Variants in SELENOF observed in about 807,000 individuals in gnomAD.
SELENOF encodes the protein selenoprotein F.
Under a neutral mutation model 20.5 loss-of-function variants are expected in SELENOF, and 16 were observed. The ratio of observed to expected loss-of-function variants is 0.78; its 90% CI spans 0.53 to 1.19. The LOEUF is 1.19. SELENOF is among the 50% of genes most tolerant of loss of function. SELENOF has a pLI of 0.00. For synonymous variants in SELENOF, 78 were observed against 74.5 expected (o/e 1.05, Z -0.24); for missense variants, 215 against 194.2 (o/e 1.11, Z -0.64).
intron 1 of SELENOF, among the ~76,000 whole-genome samples, chr1:86,909,684 T>C (rs116284364): frequency 2.6e-5 from 4 of 152,264 alleles, no homozygotes; most frequent in African/African-American, 4.8e-5. Context: ...GTTAAGACCA[T>C]GTGGATTTGT....
chr1:86,909,030 G>C (rs549333981), intron 1 of SELENOF, among the ~76,000 whole-genome samples: 1 of 152,326 alleles, frequency 6.6e-6, no homozygotes, highest in Non-Finnish European at 1.5e-5. Context: ...AAGAAACTCA[G>C]AGGTATCAAT....
chr1:86,888,362 G>C (rs1163157465), intron 2 of SELENOF, among the ~76,000 whole-genome samples: 1 of 151,818 alleles, frequency 6.6e-6, no homozygotes, highest in East Asian at 1.9e-4. Flanking sequence ...AATACTAAAA[G>C]TATTTTAGAA....
chr1:86,883,113 C>T (rs1050614030), intron 2 of SELENOF, among the ~76,000 whole-genome samples: 46 of 140,662 alleles, frequency 3.3e-4, no homozygotes, highest in African/African-American at 9.0e-4. Context: ...GGGACAAGAG[C>T]GAGACTTGTC....
At position 86,914,123 on chromosome 1, in the gene SELENOF, T is replaced by C. The variant is rs766335385; in HGVS notation, c.-12A>G. ...GCCATCGCTACCATTTTCCGCAGGTTTCTGGCTGCCTAGAAGGACCCCTAA... is the reference window on the plus strand; with the variant it reads ...GCCATCGCTACCATTTTCCGCAGGTCTCTGGCTGCCTAGAAGGACCCCTAA... On this transcript the variant is annotated 5_prime_UTR_variant, in exon 1 of 5. Coordinates refer to ENST00000331835, the MANE Select transcript of SELENOF (RefSeq NM_004261.5). 2 of 1,611,588 alleles carry C rather than the reference T, an allele frequency of 1.2e-6. No individual in the cohort carries two copies. Among genetic ancestry groups the C allele is most frequent in the Admixed American group, 3.3e-5 (2 of 59,976 alleles).
At chr1:86,913,039 T>C (rs1000915157) in intron 1 of SELENOF, among the ~76,000 whole-genome samples, 4 of 152,110 alleles carry the variant, frequency 2.6e-5, no homozygotes, top group East Asian at 1.9e-4. Context: ...AACAAGATAA[T>C]TGGAATGTTA....
intron 1 of SELENOF, among the ~76,000 whole-genome samples, chr1:86,913,394 A>G (rs1297733762): frequency 7.5e-6 from 1 of 133,546 alleles, no homozygotes; most frequent in East Asian, 1.9e-4. Context: ...TGAAATAAAA[A>G]ACGCTGCCTT....
At chr1:86,904,645 CTAT>C (rs1345173137) in intron 1 of SELENOF, among the ~76,000 whole-genome samples, 2 of 152,282 alleles carry the variant, frequency 1.3e-5, no homozygotes, top group East Asian at 3.9e-4. Context: ...TGAATTGTTA[CTAT>C]AACTTGGTTT....
intron 1 of SELENOF, among the ~76,000 whole-genome samples, chr1:86,912,643 C>T (rs547940276): frequency 2.6e-5 from 4 of 152,232 alleles, no homozygotes; most frequent in Admixed American, 6.5e-5. Context: ...TTGGTCTAGC[C>T]GACTGGAGGA....
At chr1:86,914,357 A>G (rs180688962), upstream of SELENOF, 1 of 547,040 alleles carries the variant, frequency 1.8e-6, no homozygotes, top group South Asian at 2.2e-5. Flanking sequence ...CCTTTCTTTT[A>G]TTCACGACAC....
chr1:86,895,662 T>C (rs1176554784), intron 2 of SELENOF, among the ~76,000 whole-genome samples: 1 of 152,210 alleles, frequency 6.6e-6, no homozygotes, highest in Non-Finnish European at 1.5e-5. Context: ...TTGTTTTTAA[T>C]CAAAACTGAA....
chr1:86,875,134 G>C (rs1658890409), intron 3 of SELENOF, among the ~76,000 whole-genome samples: 1 of 152,106 alleles, frequency 6.6e-6, no homozygotes, highest in African/African-American at 2.4e-5. Context: ...CCAGCTACTT[G>C]GGAGGCTGAG....
At chr1:86,901,611 T>A (rs1297592470) in intron 2 of SELENOF, among the ~76,000 whole-genome samples, 1 of 152,208 alleles carries the variant, frequency 6.6e-6, no homozygotes, top group African/African-American at 2.4e-5. Context: ...TAGCTGGGCA[T>A]ATATTAATTG....
At position 86,863,350 on chromosome 1, in the gene SELENOF, A is replaced by T; in HGVS notation, c.*124T>A. 1.3e-6 allele frequency: 1 copy of T among 784,562 alleles called. No individual in the cohort carries two copies. The highest frequency in any genetic ancestry group is 2.8e-5 in the East Asian group (1 of 35,336). The allele number at this position is 784,562 out of a possible 1,614,324, so 48.6% of individuals were successfully genotyped here. A position where few individuals can be genotyped will look rare whatever the true frequency, so the allele number is the denominator to read the frequency against. On this transcript the variant is annotated 3_prime_UTR_variant, in exon 5 of 5. Coordinates refer to ENST00000331835, the MANE Select transcript of SELENOF (RefSeq NM_004261.5). ...TATACTGCCATTTCACGATTTAATT[A>T]GATATTTAATGCCTCAAGTAAAAGA...
chr1:86,868,921 A>G (rs1057064695), intron 3 of SELENOF, among the ~76,000 whole-genome samples: 15 of 152,184 alleles, frequency 9.9e-5, no homozygotes, highest in Non-Finnish European at 2.2e-4. Context: ...AATATATAAA[A>G]GGGCTCTTAC....
chr1:86,888,605 T>A (rs1310720539), intron 2 of SELENOF, among the ~76,000 whole-genome samples: 1 of 152,200 alleles, frequency 6.6e-6, no homozygotes, highest in African/African-American at 2.4e-5. Flanking sequence ...TCACTGCTGA[T>A]ATTATCCCTC....
upstream of SELENOF, chr1:86,914,379 GC>G: frequency 2.0e-6 from 1 of 510,836 alleles, no homozygotes; most frequent in Non-Finnish European, 3.6e-6. Flanking sequence ...TCGTCAAGCA[GC>G]CAAGAAGCCA....
chr1:86,876,615 G>A (rs1406261213), intron 3 of SELENOF, among the ~76,000 whole-genome samples: 1 of 152,174 alleles, frequency 6.6e-6, no homozygotes, highest in Non-Finnish European at 1.5e-5. Context: ...TTTATGTAAA[G>A]ATATAGATTG....
intron 2 of SELENOF, among the ~76,000 whole-genome samples, chr1:86,899,132 CAGA>C (rs1294642539): frequency 2.6e-5 from 4 of 151,354 alleles, no homozygotes; most frequent in African/African-American, 9.8e-5. Flanking sequence ...GATCCCAAGG[CAGA>C]AGAATTTTTC....
chr1:86,914,313 G>T (rs101028), upstream of SELENOF: 121,364 of 595,046 alleles, frequency 0.2, 14,166 homozygotes, highest in African/African-American at 0.4. Context: ...TCAGGCACTT[G>T]CCTAAACTCC....
Sources: gnomAD v4.1 joint callset for allele counts (sites outside exome capture counted in the v4.1 genomes callset) on GRCh38, gnomAD v4.1.1 for gene constraint, MANE v1.5 for transcripts, NCBI Gene and HGNC (gene_info 2026-07-23, HGNC 2026-07-21) for gene names.